The following DGKI variants were observed in gnomAD, a reference collection of about 807,000 sequenced individuals.
DGKI encodes diacylglycerol kinase iota.
DGKI carries 55 observed loss-of-function variants against 147.5 expected under a neutral mutation model. The observed-to-expected ratio is 0.37, with a 90% CI of 0.30 to 0.47. DGKI has a LOEUF of 0.47. Among genes scored for constraint, DGKI ranks in the 20% least tolerant of loss-of-function variants. DGKI has a pLI of 1.00. For missense variants in DGKI, 1,007 were observed against 1,323.8 expected, an observed-to-expected ratio of 0.76 and a Z score of 3.71; for synonymous variants, 469 against 477.1, an observed-to-expected ratio of 0.98 and a Z score of 0.22.
chr7:137,755,438 C>T (rs1204672674), intron 1 of DGKI, among the ~76,000 whole-genome samples: 2 of 152,050 alleles, frequency 1.3e-5, no homozygotes, highest in African/African-American at 2.4e-5. Flanking sequence ...AACAGAGAAT[C>T]GAGACAAGTG....
At chr7:137,579,156 T>C (rs1353847948) in intron 15 of DGKI, among the ~76,000 whole-genome samples, 1 of 152,176 alleles carries the variant, frequency 6.6e-6, no homozygotes, top group African/African-American at 2.4e-5. Flanking sequence ...CTTATTTTTT[T>C]CACAATGGCT....
chr7:137,657,648 A>T lies in DGKI; in HGVS notation c.607-1108T>A, dbSNP rs978095439. Reference sequence around the variant, plus strand: ...AGCCTGTCTGTCAGATGGGCTATCAAAGCATCCAAGTGTGAAAGGTCCTGA... The same window carrying T: ...AGCCTGTCTGTCAGATGGGCTATCATAGCATCCAAGTGTGAAAGGTCCTGA... On this transcript the variant is annotated intron_variant, in intron 3 of 32. Coordinates refer to ENST00000614521, the MANE Select transcript of DGKI (RefSeq NM_001321708.2). Among the ~76,000 whole-genome samples the T allele has an allele frequency of 2.0e-5, 3 of 152,186 alleles. No homozygotes were observed. In the East Asian group the frequency reaches 5.8e-4, roughly 29 times the overall value.
At chr7:137,548,188 G>A (rs904763983) in intron 20 of DGKI, among the ~76,000 whole-genome samples, 4 of 152,204 alleles carry the variant, frequency 2.6e-5, no homozygotes, top group African/African-American at 9.7e-5. Context: ...GGTAGCTCAC[G>A]TGACTTTTGA....
Position 137,650,559 on chromosome 7 carries a change from T to C in DGKI, c.738+4173A>G, listed in dbSNP as rs570673641. On this transcript the variant is annotated intron_variant, in intron 5 of 32. Coordinates refer to ENST00000614521, the MANE Select transcript of DGKI (RefSeq NM_001321708.2). ...GTAAGGTGTTTGAAAGGTGATCAAG[T>C]AATGAGAGTAGACTCTTCATGGATG... Among the ~76,000 whole-genome samples the C allele has an allele frequency of 2.0e-5, 3 of 152,280 alleles. No homozygotes were observed. The South Asian group carries it at 6.2e-4, about 32-fold the overall frequency.
intron 21 of DGKI, among the ~76,000 whole-genome samples, chr7:137,509,439 C>G (rs1816500028): frequency 2.0e-5 from 3 of 152,138 alleles, no homozygotes. Context: ...AGCAACTCCT[C>G]TGTGGCCAGT....
At chr7:137,524,208 T>C (rs926547978) in intron 20 of DGKI, among the ~76,000 whole-genome samples, 61 of 152,112 alleles carry the variant, frequency 4.0e-4, no homozygotes, top group African/African-American at 1.4e-3. Context: ...TACAACATGC[T>C]GTGAAGTGAA....
At chr7:137,685,789 A>G (rs1021221429) in intron 2 of DGKI, among the ~76,000 whole-genome samples, 9 of 152,218 alleles carry the variant, frequency 5.9e-5, no homozygotes, top group Non-Finnish European at 1.3e-4. Context: ...TGTGCGCCTT[A>G]AAATCTAACA....
At chr7:137,517,433 AAAAG>A (rs1194981202) in intron 21 of DGKI, among the ~76,000 whole-genome samples, 1 of 151,888 alleles carries the variant, frequency 6.6e-6, no homozygotes, top group Admixed American at 6.6e-5. Flanking sequence ...GAAAGATAAA[AAAAG>A]AAAGAACGCT....
intron 1 of DGKI, among the ~76,000 whole-genome samples, chr7:137,714,835 G>A (rs947420649): frequency 8.6e-5 from 13 of 152,038 alleles, no homozygotes; most frequent in Non-Finnish European, 1.8e-4. Context: ...CCTCCCTGTC[G>A]TCCTTCATGC....
intron 27 of DGKI, among the ~76,000 whole-genome samples, chr7:137,460,218 C>T (rs1021843650): frequency 6.6e-6 from 1 of 152,096 alleles, no homozygotes; most frequent in Non-Finnish European, 1.5e-5. Flanking sequence ...TTCATCAGTA[C>T]TCTAACTGGG....
intron 1 of DGKI, among the ~76,000 whole-genome samples, chr7:137,781,824 G>A (rs1225899757): frequency 6.6e-6 from 1 of 152,206 alleles, no homozygotes; most frequent in Non-Finnish European, 1.5e-5. Flanking sequence ...TAAATGGAGG[G>A]AGAAGGCAAA....
At position 137,678,561 on chromosome 7, in the gene DGKI, A is replaced by T; in HGVS notation, c.602T>A (p.Phe201Tyr). 1 of 1,614,110 alleles carries T rather than the reference A, an allele frequency of 6.2e-7. No homozygotes were observed. Among genetic ancestry groups the T allele is most frequent in the Non-Finnish European group, 8.5e-7 (1 of 1,179,982 alleles). Reference protein sequence around the residue: ...YLGEENCQVRFAKSALRRKCA... With the variant: ...YLGEENCQVRYAKSALRRKCA... ...CAAGACGGAGCGCACACTCACTGCA[A>T]ATCTGACTTGGCAGTTCTCCTCTCC... Residue 201 changes from phenylalanine (F) to tyrosine (Y), a missense_variant, in exon 3 of 33, where the codon TTT (phenylalanine) becomes TAT (tyrosine). Phe to Tyr is a conservative substitution (Grantham distance 22). This residue lies in a region of DGKI where 259 missense variants were observed against 362.5 expected (regional missense o/e 0.71). Coordinates refer to ENST00000614521, the MANE Select transcript of DGKI (RefSeq NM_001321708.2).
chr7:137,810,498 G>A (rs1797527659), intron 1 of DGKI, among the ~76,000 whole-genome samples: 1 of 152,178 alleles, frequency 6.6e-6, no homozygotes, highest in Admixed American at 6.5e-5. Flanking sequence ...GAGAAAACAA[G>A]GGACATCAAG....
intron 1 of DGKI, among the ~76,000 whole-genome samples, chr7:137,809,978 G>A (rs938030024): frequency 4.2e-4 from 64 of 152,184 alleles, no homozygotes; most frequent in African/African-American, 1.5e-3. Context: ...TACGGCCTTG[G>A]CCATAAAATG....
chr7:137,402,581 G>A (rs1268401625), intron 30 of DGKI, among the ~76,000 whole-genome samples: 3 of 152,176 alleles, frequency 2.0e-5, no homozygotes, highest in South Asian at 4.1e-4. Context: ...TATATATGAC[G>A]TGCCTTTTGT....
At chr7:137,539,457 C>G (rs770646085) in intron 20 of DGKI, among the ~76,000 whole-genome samples, 1 of 151,922 alleles carries the variant, frequency 6.6e-6, no homozygotes, top group African/African-American at 2.4e-5. Flanking sequence ...TGAATCTAGC[C>G]CTAAACACCA....
chr7:137,649,161 C>T (rs189966126), intron 5 of DGKI, among the ~76,000 whole-genome samples: 6 of 152,256 alleles, frequency 3.9e-5, no homozygotes, highest in Non-Finnish European at 8.8e-5. Context: ...AATTATCCAC[C>T]TAATTTCTTT....
chr7:137,401,652 C>T (rs374009622), intron 30 of DGKI, among the ~76,000 whole-genome samples: 14 of 152,270 alleles, frequency 9.2e-5, no homozygotes, highest in Middle Eastern at 3.4e-3. Context: ...TAAGGAATTT[C>T]GAGGGAGATC....
chr7:137,749,973 A>G (rs1181950081), intron 1 of DGKI, among the ~76,000 whole-genome samples: 1 of 152,144 alleles, frequency 6.6e-6, no homozygotes, highest in Non-Finnish European at 1.5e-5. Context: ...CAGAAGTGCA[A>G]AGACTGAGAA....
Sources: allele counts gnomAD v4.1 joint callset (sites outside exome capture counted in the v4.1 genomes callset), GRCh38; gene constraint gnomAD v4.1.1; regional missense constraint gnomAD v4.1.1; transcripts MANE v1.5; gene names NCBI Gene and HGNC (gene_info 2026-07-23, HGNC 2026-07-21).